ANKFN1: variants seen among roughly 807,000 people sequenced by gnomAD.
ANKFN1 encodes ankyrin repeat and fibronectin type-III domain-containing protein 1.
A neutral mutation model predicts 108.7 loss-of-function variants in ANKFN1; 74 were observed. That is an observed-to-expected ratio of 0.68 (90% CI 0.56 to 0.83). The LOEUF (loss-of-function observed/expected upper bound fraction) is 0.83, where lower values mean the gene tolerates loss of function less well. ANKFN1 is among the 40% of genes least tolerant of loss of function. ANKFN1 has a pLI of 0.00. For missense variants in ANKFN1, 1,505 were observed against 1,382.3 expected (o/e 1.09, Z -1.41); for synonymous variants, 547 against 516.2 (o/e 1.06, Z -0.81).
At chr17:56,123,790 A>G (rs1906756871) in intron 4 of ANKFN1, among the ~76,000 whole-genome samples, 1 of 143,562 alleles carries the variant, frequency 7.0e-6, no homozygotes, top group Non-Finnish European at 1.5e-5. Context: ...TGTGTGCATG[A>G]CTGATTGTGT....
At chr17:56,386,212 A>C (rs1420075299) in intron 8 of ANKFN1, among the ~76,000 whole-genome samples, 3 of 151,916 alleles carry the variant, frequency 2.0e-5, no homozygotes, top group Non-Finnish European at 4.4e-5. Flanking sequence ...TCAGTAAACT[A>C]TCGCAAGGAC....
chr17:56,481,229 G>T (rs986954620), intron 17 of ANKFN1, among the ~76,000 whole-genome samples: 1 of 152,008 alleles, frequency 6.6e-6, no homozygotes, highest in African/African-American at 2.4e-5. Context: ...GAAGGATAAC[G>T]GTGGTATAAT....
At position 56,512,520 on chromosome 17, in the gene ANKFN1, G is replaced by C. The variant is rs905924141; in HGVS notation, c.*1251G>C. 6.6e-6 allele frequency among the ~76,000 whole-genome samples: 1 copy of C among 152,190 alleles called. No homozygotes were observed. The highest frequency in any genetic ancestry group is 1.5e-5 in the Non-Finnish European group (1 of 68,036). On this transcript the variant is annotated 3_prime_UTR_variant, in exon 21 of 21. Transcript: ENST00000682825. ...GCTTTGGTCTCATTACCTCCTATCT[G>C]AATTTCTCACAGGAATCCAAATTAG...
chr17:56,315,761 A>T (rs913214497), intron 3 of ANKFN1, among the ~76,000 whole-genome samples: 1 of 152,180 alleles, frequency 6.6e-6, no homozygotes, highest in East Asian at 1.9e-4. Context: ...CTGATTTCAT[A>T]GGAGTTCAGA....
rs558841988 is a variant in ANKFN1, at chr17:56,234,336, C to G, written c.53+6379C>G. Among the ~76,000 whole-genome samples the G allele has an allele frequency of 3.6e-5, 5 of 137,676 alleles. No individual in the cohort carries two copies. In the South Asian group the frequency reaches 1.2e-3, roughly 32 times the overall value. 90.3% of individuals were successfully genotyped at this position (137,676 alleles called of 152,430 possible). A position where few individuals can be genotyped will look rare whatever the true frequency, so the allele number is the denominator to read the frequency against. ...GTGATGAGTTTTTAGCATTTATTTC[C>G]TTTGGGGTTTTTTTTTTTAGCTTTT... On this transcript the variant is annotated intron_variant, in intron 3 of 20. Transcript: ENST00000682825.
At chr17:56,342,546 A>C (rs938309196) in intron 4 of ANKFN1, among the ~76,000 whole-genome samples, 1 of 151,852 alleles carries the variant, frequency 6.6e-6, no homozygotes, top group African/African-American at 2.4e-5. Context: ...CCTTAATTTA[A>C]TTATTTACCC....
At chr17:56,094,680 T>TTTGG (rs768857362) in intron 4 of ANKFN1, among the ~76,000 whole-genome samples, 4 of 57,620 alleles carry the variant, frequency 6.9e-5, no homozygotes, top group East Asian at 1.0e-3. Context: ...ATTGGGTTTT[T>TTTGG]TTTTTTTTTT....
chr17:56,167,310 C>CAA (rs1910235362), intron 1 of ANKFN1, among the ~76,000 whole-genome samples: 1 of 74,900 alleles, frequency 1.3e-5, no homozygotes, highest in African/African-American at 6.2e-5. Context: ...TATATACACA[C>CAA]ACACACACAT....
intron 20 of ANKFN1, among the ~76,000 whole-genome samples, chr17:56,505,714 A>G (rs2051534078): frequency 6.6e-6 from 1 of 152,250 alleles, no homozygotes; most frequent in African/African-American, 2.4e-5. Flanking sequence ...AGAACTGAGC[A>G]ACTAACTCCA....
chr17:56,149,143 G>C (rs1370596501), upstream of ANKFN1, among the ~76,000 whole-genome samples: 1 of 152,084 alleles, frequency 6.6e-6, no homozygotes, highest in East Asian at 1.9e-4. Context: ...TGGGTGAGAG[G>C]GGGTAGTCTT....
chr17:56,405,117 A>G (rs546956038), intron 8 of ANKFN1, among the ~76,000 whole-genome samples: 1 of 152,280 alleles, frequency 6.6e-6, no homozygotes, highest in East Asian at 1.9e-4. Context: ...TGGTGGTTTA[A>G]CGCTCTATTT....
At chr17:56,330,446 G>A (rs1190381195) in intron 4 of ANKFN1, among the ~76,000 whole-genome samples, 3 of 152,154 alleles carry the variant, frequency 2.0e-5, no homozygotes, top group Non-Finnish European at 4.4e-5. Flanking sequence ...TTACAATTCA[G>A]GGTGAGATTT....
intron 3 of ANKFN1, among the ~76,000 whole-genome samples, chr17:56,293,533 G>T (rs1436563926): frequency 6.6e-6 from 1 of 152,162 alleles, no homozygotes; most frequent in African/African-American, 2.4e-5. Flanking sequence ...ATATTAGAAG[G>T]CAGATCCCAG....
chr17:56,196,576 T>A (rs1913530818), intron 1 of ANKFN1, among the ~76,000 whole-genome samples: 1 of 151,940 alleles, frequency 6.6e-6, no homozygotes, highest in South Asian at 2.1e-4. Flanking sequence ...CACTACAAAA[T>A]TTTTAAAAAA....
At chr17:56,199,965 G>A (rs1388069623) in intron 1 of ANKFN1, among the ~76,000 whole-genome samples, 2 of 152,110 alleles carry the variant, frequency 1.3e-5, no homozygotes, top group African/African-American at 4.8e-5. Flanking sequence ...TTATCATTTT[G>A]TTAATATTCT....
intron 1 of ANKFN1, 32 bp downstream of exon 1, chr17:56,153,562 T>G: frequency 1.2e-6 from 2 of 1,612,988 alleles, no homozygotes; most frequent in Non-Finnish European, 1.7e-6. Context: ...ATATCGGTAA[T>G]TGGTGTTTGG....
intron 4 of ANKFN1, among the ~76,000 whole-genome samples, chr17:56,063,186 T>C (rs1567780024): frequency 6.6e-6 from 1 of 152,178 alleles, no homozygotes; most frequent in Non-Finnish European, 1.5e-5. Context: ...TTAACATTTT[T>C]CCCTTCATTT....
chr17:56,378,124 C>T (rs760338223), intron 8 of ANKFN1, among the ~76,000 whole-genome samples: 2 of 152,164 alleles, frequency 1.3e-5, no homozygotes, highest in African/African-American at 4.8e-5. Flanking sequence ...ACTGACAGGG[C>T]CTTTCAGGAG....
chr17:56,482,612 G>A (rs1186289241), intron 18 of ANKFN1, 88 bp downstream of exon 18: 2 of 1,462,186 alleles, frequency 1.4e-6, no homozygotes, highest in Non-Finnish European at 1.8e-6. Context: ...TTGTCCCAGT[G>A]GAGGGTCAAT....
Sources: allele counts gnomAD v4.1 joint callset (sites outside exome capture counted in the v4.1 genomes callset), GRCh38; gene constraint gnomAD v4.1.1; transcripts MANE v1.5; gene names NCBI Gene and HGNC (gene_info 2026-07-23, HGNC 2026-07-21).